The following GOLGA4 variants were observed in gnomAD, a reference collection of about 807,000 sequenced individuals.
GOLGA4 encodes the protein golgin subfamily A member 4.
In GOLGA4, 169 loss-of-function variants were observed where a neutral mutation model predicts 265.9. The ratio of observed to expected loss-of-function variants is 0.64; its 90% CI spans 0.56 to 0.72. The LOEUF (loss-of-function observed/expected upper bound fraction) is 0.72, where lower values mean the gene tolerates loss of function less well. Among genes scored for constraint, GOLGA4 ranks in the 30% least tolerant of loss-of-function variants. GOLGA4 has a pLI of 0.00. For synonymous variants in GOLGA4, 923 were observed against 855.8 expected (o/e 1.08, Z -1.37); for missense variants, 2,482 against 2,483.4 (o/e 1.00, Z 0.01).
chr3:37,326,045 A>C lies in GOLGA4; in HGVS notation c.4159A>C (p.Ile1387Leu). ...TTTGAATGTTCAGCTTCAAAATAGC[A>C]TCAGCCTATCCGAAAAAGAAGCAGC... ...TDLNVQLQNS[I>L]SLSEKEAAIS... The change falls in exon 14 of 24, where the codon ATC (isoleucine) becomes CTC (leucine). Residue 1387 changes from isoleucine (I) to leucine (L), a missense_variant. Ile to Leu is a conservative substitution (Grantham distance 5). Around this residue, in one of 3 missense-constraint regions of GOLGA4, gnomAD observed 942 missense variants for 983.1 expected, o/e 0.96. Coordinates refer to ENST00000361924, the MANE Select transcript of GOLGA4 (RefSeq NM_002078.5). The C allele has an allele frequency of 1.2e-6, 2 of 1,613,416 alleles. No individual in the cohort carries two copies. The highest frequency in any genetic ancestry group is 1.7e-6 in the Non-Finnish European group (2 of 1,179,460).
At chr3:37,291,792 T>C (rs1034313028) in intron 5 of GOLGA4, among the ~76,000 whole-genome samples, 1 of 152,226 alleles carries the variant, frequency 6.6e-6, no homozygotes, top group African/African-American at 2.4e-5. Flanking sequence ...TTAACTTTCC[T>C]GCCTAAATCC....
intron 22 of GOLGA4, among the ~76,000 whole-genome samples, chr3:37,360,760 T>C (rs1365339924): frequency 6.6e-6 from 1 of 152,100 alleles, no homozygotes; most frequent in East Asian, 1.9e-4. Context: ...TACAAGAGAG[T>C]TATTCAGTGA....
At chr3:37,306,972 A>G (rs1182104727) in intron 10 of GOLGA4, among the ~76,000 whole-genome samples, 1 of 152,146 alleles carries the variant, frequency 6.6e-6, no homozygotes, top group African/African-American at 2.4e-5. Flanking sequence ...TAAGTGATTT[A>G]AATATATATA....
At chr3:37,337,612 C>A in intron 18 of GOLGA4, 54 bp from the exon 19 acceptor site, 1 of 1,200,096 alleles carries the variant, frequency 8.3e-7, no homozygotes, top group Non-Finnish European at 1.2e-6. Context: ...AGAAATGTGT[C>A]TGGGCAATAA....
intron 10 of GOLGA4, among the ~76,000 whole-genome samples, chr3:37,313,707 A>G (rs1333063735): frequency 1.3e-5 from 2 of 152,200 alleles, no homozygotes; most frequent in African/African-American, 4.8e-5. Flanking sequence ...TACATATACA[A>G]CCCACATATA....
intron 10 of GOLGA4, among the ~76,000 whole-genome samples, chr3:37,304,698 A>G (rs1489224601): frequency 6.6e-6 from 1 of 152,216 alleles, no homozygotes; most frequent in African/African-American, 2.4e-5. Context: ...CAAGTTGAAA[A>G]GGGTAAATGA....
chr3:37,335,102 T>C lies in GOLGA4; in HGVS notation c.6242T>C (p.Leu2081Pro). Residue 2081 changes from leucine to proline, a missense_variant, in exon 17 of 24, where the codon CTT (leucine) becomes CCT (proline). Around this residue, in one of 3 missense-constraint regions of GOLGA4, gnomAD observed 942 missense variants for 983.1 expected, o/e 0.96. Coordinates refer to ENST00000361924, the MANE Select transcript of GOLGA4 (RefSeq NM_002078.5). ...TAKVRDLQTQ[L>P]EELQKKYQQK... ...AAAGTAAGGGACCTGCAGACTCAAC[T>C]TGAGGAGCTGCAGAAGAAATACCAG... 3 of 1,610,574 alleles carry C rather than the reference T, an allele frequency of 1.9e-6. No individual in the cohort carries two copies. The highest frequency in any genetic ancestry group is 1.7e-4 in the Middle Eastern group (1 of 6,054).
intron 2 of GOLGA4, among the ~76,000 whole-genome samples, chr3:37,262,712 G>C (rs1019808440): frequency 1.3e-5 from 2 of 151,874 alleles, no homozygotes; most frequent in African/African-American, 4.8e-5. Context: ...AGATTATTCT[G>C]GGCAACATGG....
Position 37,282,024 on chromosome 3 carries a change from C to T in GOLGA4, c.229C>T (p.Arg77Ter). 1.2e-6 allele frequency: 2 copies of T among 1,614,072 alleles called. No homozygotes were observed. The highest frequency in any genetic ancestry group is 1.7e-6 in the Non-Finnish European group (2 of 1,179,924). The change falls in exon 3 of 24, where the codon CGA becomes TGA. Residue 77 changes from arginine to a stop codon, truncating the protein, a stop_gained. Coordinates refer to ENST00000361924, the MANE Select transcript of GOLGA4 (RefSeq NM_002078.5). LOFTEE classifies it high-confidence loss of function. ...LRVPSVESLFRSPIKESLFRS... is the reference protein window; with the variant it reads ...LRVPSVESLF The stretch of plus-strand genomic sequence containing the variant: ...GGTGCCCTCCGTGGAGTCTTTGTTT[C>T]GAAGTCCGATAAAGGAATCTCTATT...
At chr3:37,288,463 T>G (rs2096856028) in intron 4 of GOLGA4, among the ~76,000 whole-genome samples, 1 of 150,472 alleles carries the variant, frequency 6.6e-6, no homozygotes, top group African/African-American at 2.5e-5. Flanking sequence ...TGATGTTCTT[T>G]GTGAATTTTT....
chr3:37,252,696 A>G (rs2096737350), intron 2 of GOLGA4, among the ~76,000 whole-genome samples: 1 of 151,984 alleles, frequency 6.6e-6, no homozygotes, highest in Non-Finnish European at 1.5e-5. Context: ...GTGGTCTTTC[A>G]TTTTGGTTTT....
intron 16 of GOLGA4, among the ~76,000 whole-genome samples, chr3:37,329,568 G>T (rs1024477740): frequency 6.6e-6 from 1 of 152,176 alleles, no homozygotes; most frequent in Non-Finnish European, 1.5e-5. Flanking sequence ...AGGTTGATTG[G>T]TCTCAAGAGA....
chr3:37,325,977 A>G lies in GOLGA4; in HGVS notation c.4091A>G (p.Glu1364Gly), dbSNP rs1050206881. Reference sequence around the variant, plus strand: ...ACATTGATGAAAGAAGAGCTTAAAGAAAAAAAAGTTGAGATTAGCAGTCTT... The same window carrying G: ...ACATTGATGAAAGAAGAGCTTAAAGGAAAAAAAGTTGAGATTAGCAGTCTT... ...AVTLMKEELK[E>G]KKVEISSLSK... Residue 1364 changes from glutamate to glycine, a missense_variant, in exon 14 of 24, where the codon GAA becomes GGA. By Grantham distance (98) the Glu-to-Gly change is moderately conservative (BLOSUM62 -2). Transcript: ENST00000361924. The G allele has an allele frequency of 9.9e-6, 16 of 1,610,680 alleles. No individual in the cohort carries two copies. In the African/African-American group the frequency reaches 2.0e-4, roughly 20 times the overall value.
At chr3:37,316,797 CTGATTTTTTT>C (rs2096938784) in intron 11 of GOLGA4, among the ~76,000 whole-genome samples, 1 of 151,594 alleles carries the variant, frequency 6.6e-6, no homozygotes, top group South Asian at 2.1e-4. Context: ...TTTCTCTTCT[CTGATTTTTTT>C]TTCTTTTCCT....
intron 2 of GOLGA4, chr3:37,276,065 A>G (rs2096817267): frequency 6.2e-7 from 1 of 1,612,530 alleles, no homozygotes. Context: ...TGCTCGAGAT[A>G]CTTATGTTTC....
At chr3:37,355,885 G>A (rs533299288) in intron 22 of GOLGA4, among the ~76,000 whole-genome samples, 1 of 152,104 alleles carries the variant, frequency 6.6e-6, no homozygotes, top group South Asian at 2.1e-4. Flanking sequence ...ATAGTAGCCT[G>A]TAGAGCCCTC....
At chr3:37,354,762 C>T (rs1474642004) in intron 21 of GOLGA4, among the ~76,000 whole-genome samples, 1 of 151,972 alleles carries the variant, frequency 6.6e-6, no homozygotes, top group Non-Finnish European at 1.5e-5. Flanking sequence ...TTTGGCAATA[C>T]ATCACTTACT....
At chr3:37,310,822 T>C (rs771760907) in intron 10 of GOLGA4, among the ~76,000 whole-genome samples, 6 of 152,100 alleles carry the variant, frequency 3.9e-5, no homozygotes, top group Non-Finnish European at 8.8e-5. Flanking sequence ...TCTGCGGCAG[T>C]TCGTGCTTAG....
intron 23 of GOLGA4, among the ~76,000 whole-genome samples, chr3:37,365,337 C>T (rs558577220): frequency 1.1e-4 from 16 of 152,252 alleles, no homozygotes; most frequent in South Asian, 1.0e-3. Flanking sequence ...GGCATGATCT[C>T]GGCTTACTGC....
Sources: gnomAD v4.1 joint callset for allele counts (sites outside exome capture counted in the v4.1 genomes callset) on GRCh38, gnomAD v4.1.1 for gene constraint, gnomAD v4.1.1 regional missense constraint, MANE v1.5 for transcripts, NCBI Gene and HGNC (gene_info 2026-07-23, HGNC 2026-07-21) for gene names.